Variants in SVOP observed in about 807,000 individuals in gnomAD.
SVOP encodes synaptic vesicle 2-related protein.
Under a neutral mutation model 69.1 loss-of-function variants are expected in SVOP, and 17 were observed. The ratio of observed to expected loss-of-function variants is 0.25; its 90% CI spans 0.17 to 0.37. The LOEUF is 0.37. SVOP is among the 10% of genes least tolerant of loss of function. SVOP has a pLI of 1.00. For synonymous variants in SVOP, 238 were observed against 238.6 expected (o/e 1.00, Z 0.02); for missense variants, 435 against 597.5 (o/e 0.73, Z 2.84).
chr12:108,986,847 T>C (rs1217028141), intron 1 of SVOP, among the ~76,000 whole-genome samples: 4 of 152,128 alleles, frequency 2.6e-5, no homozygotes, highest in African/African-American at 9.7e-5. Context: ...TGGAGACTAT[T>C]ATTATCCCCA....
At chr12:108,936,007 A>G (rs1443561308) in intron 10 of SVOP, among the ~76,000 whole-genome samples, 2 of 125,012 alleles carry the variant, frequency 1.6e-5, no homozygotes, top group Non-Finnish European at 3.5e-5. Flanking sequence ...CAGGGAAGAC[A>G]CTGACATAGT....
chr12:108,979,505 G>T (rs1300772083), intron 2 of SVOP, among the ~76,000 whole-genome samples: 1 of 152,114 alleles, frequency 6.6e-6, no homozygotes, highest in African/African-American at 2.4e-5. Context: ...GCCCCTCAAA[G>T]TGTTAGGATT....
intron 7 of SVOP, 86 bp downstream of exon 7, chr12:108,945,016 CT>C: frequency 7.8e-7 from 1 of 1,281,572 alleles, no homozygotes; most frequent in Non-Finnish European, 1.1e-6. Context: ...CTTAAACTCC[CT>C]TTTCCTTGAC....
chr12:109,010,107 G>A (rs1420530064), intron 1 of SVOP, among the ~76,000 whole-genome samples: 1 of 144,770 alleles, frequency 6.9e-6, no homozygotes, highest in African/African-American at 2.6e-5. Flanking sequence ...CTGGGCAACA[G>A]AGAGAGACCC....
intron 1 of SVOP, among the ~76,000 whole-genome samples, chr12:109,002,490 T>C (rs2040277629): frequency 7.6e-6 from 1 of 131,910 alleles, no homozygotes; most frequent in Non-Finnish European, 1.6e-5. Context: ...ATCATGCTGC[T>C]ATAAAGACAC....
chr12:108,973,341 A>G (rs1320363478), intron 4 of SVOP, among the ~76,000 whole-genome samples: 1 of 149,272 alleles, frequency 6.7e-6, no homozygotes, highest in East Asian at 2.0e-4. Context: ...GATGGTACAC[A>G]GAAGCGTTCC....
intron 2 of SVOP, among the ~76,000 whole-genome samples, chr12:108,982,471 CATT>C (rs1447205045): frequency 1.3e-5 from 2 of 150,570 alleles, no homozygotes; most frequent in African/African-American, 4.9e-5. Flanking sequence ...CTATCAACAT[CATT>C]ATCACCACAA....
intron 11 of SVOP, among the ~76,000 whole-genome samples, chr12:108,931,620 T>C (rs2039819426): frequency 6.6e-6 from 1 of 151,854 alleles, no homozygotes; most frequent in Admixed American, 6.6e-5. Context: ...GATCACGAGG[T>C]CAAGAGATTG....
chr12:109,020,907 T>TA lies in SVOP; in HGVS notation c.-40dup. 1.4e-6 allele frequency: 1 copy of TA among 716,182 alleles called. No individual in the cohort carries two copies. Among genetic ancestry groups the TA allele is most frequent in the East Asian group, 2.7e-5 (1 of 37,052 alleles). 44.4% of individuals were successfully genotyped at this position (716,182 alleles called of 1,614,324 possible). On this transcript the variant is annotated 5_prime_UTR_variant, in exon 1 of 16. It removes the in-frame stop codon of an upstream open reading frame in the 5' UTR. Transcript: ENST00000610966. ...CAGGATGAGCCCTTCTCATGGCCCT[T>TA]ACATGGTAGTGGTGGATGACGAGCC...
At chr12:108,917,906 A>C in intron 14 of SVOP, 137 bp downstream of exon 14, 1 of 612,062 alleles carries the variant, frequency 1.6e-6, no homozygotes, top group Non-Finnish European at 2.6e-6. Flanking sequence ...TCGGCCTCCC[A>C]AAGTGTTGGG....
At chr12:109,016,230 G>C (rs547331783) in intron 1 of SVOP, among the ~76,000 whole-genome samples, 9 of 152,302 alleles carry the variant, frequency 5.9e-5, no homozygotes, top group Admixed American at 3.3e-4. Context: ...GGAGAAGAAG[G>C]CTTTGGCCCG....
At chr12:109,002,700 C>T (rs1203491615) in intron 1 of SVOP, among the ~76,000 whole-genome samples, 2 of 151,054 alleles carry the variant, frequency 1.3e-5, no homozygotes, top group Non-Finnish European at 2.9e-5. Flanking sequence ...CAGTAAACTA[C>T]CGCAAGAACA....
chr12:108,958,727 C>A (rs899022969), intron 6 of SVOP, among the ~76,000 whole-genome samples: 4 of 152,126 alleles, frequency 2.6e-5, no homozygotes, highest in African/African-American at 9.7e-5. Context: ...GAGTCCCTTG[C>A]AGAAGTTGCC....
chr12:109,009,411 A>G (rs982349417), intron 1 of SVOP, among the ~76,000 whole-genome samples: 7 of 152,158 alleles, frequency 4.6e-5, no homozygotes, highest in African/African-American at 1.4e-4. Flanking sequence ...CACGTTGTTA[A>G]GAGAACATGT....
chr12:108,932,915 G>A (rs770079406), intron 11 of SVOP, among the ~76,000 whole-genome samples: 19 of 151,910 alleles, frequency 1.3e-4, no homozygotes, highest in Non-Finnish European at 1.9e-4. Flanking sequence ...ATCTCACTCT[G>A]TCGCCTAGGC....
chr12:108,959,385 A>C, intron 6 of SVOP, among the ~76,000 whole-genome samples: 3 of 128,822 alleles, frequency 2.3e-5, no homozygotes, highest in Admixed American at 9.3e-5. Flanking sequence ...TCAGAGTCTC[A>C]CTCTGTCATT....
chr12:108,912,644 T>G lies in SVOP; in HGVS notation c.1538A>C (p.Lys513Thr). The G allele has an allele frequency of 1.2e-6, 2 of 1,613,974 alleles. No individual in the cohort carries two copies. The change falls in exon 16 of 16, where the codon AAA (lysine) becomes ACA (threonine). Residue 513 changes from lysine (K) to threonine (T), a missense_variant. Coordinates refer to ENST00000610966, the MANE Select transcript of SVOP (RefSeq NM_018711.5). ...LASCFLPIET[K>T]GRGLQESSHR... ...GCTGGACTCCTGCAGTCCTCGGCCT[T>G]TGGTCTCAATGGGCAAAAAGCAGGA... is the stretch of plus-strand genomic sequence containing the variant.
chr12:108,962,870 C>T (rs1434594899), intron 5 of SVOP, among the ~76,000 whole-genome samples: 1 of 151,556 alleles, frequency 6.6e-6, no homozygotes, highest in African/African-American at 2.4e-5. Flanking sequence ...GAGTCTGAGG[C>T]AGGAGAATTG....
At chr12:108,943,320 G>A (rs930052202) in intron 7 of SVOP, among the ~76,000 whole-genome samples, 5 of 151,686 alleles carry the variant, frequency 3.3e-5, no homozygotes, top group African/African-American at 4.8e-5. Flanking sequence ...ACCAGTAGCC[G>A]GGCGCAGTGG....
Sources: allele counts gnomAD v4.1 joint callset (sites outside exome capture counted in the v4.1 genomes callset), GRCh38; gene constraint gnomAD v4.1.1; transcripts MANE v1.5; gene names NCBI Gene and HGNC (gene_info 2026-07-23, HGNC 2026-07-21).